Variants in SLC49A3 observed in about 807,000 individuals in gnomAD.
SLC49A3 encodes solute carrier family 49 member A3.
Under a neutral mutation model 43.8 loss-of-function variants are expected in SLC49A3, and 50 were observed. The ratio of observed to expected loss-of-function variants is 1.14; its 90% CI spans 0.91 to 1.45. The LOEUF (loss-of-function observed/expected upper bound fraction) is 1.45. Among genes scored for constraint, SLC49A3 ranks in the 40% most tolerant of loss-of-function variants. The probability of loss-of-function intolerance (pLI) is 0.00; values close to 1 mark genes in which losing one functional copy is unlikely to be tolerated. For synonymous variants in SLC49A3, 413 were observed against 352.0 expected (o/e 1.17, Z -1.94); for missense variants, 906 against 774.1 (o/e 1.17, Z -2.02).
chr4:680,447 G>A (rs1350887408), downstream of SLC49A3: 2 of 1,541,944 alleles, frequency 1.3e-6, no homozygotes, highest in Non-Finnish European at 1.8e-6. Flanking sequence ...CCTGCCATCT[G>A]CCCTTGGCAG....
rs778128833 is a variant in SLC49A3, at chr4:686,698, GGTCAGGCGGGA to G, written c.136-19_136-9del. The stretch of plus-strand genomic sequence containing the variant: ...TGCAAAGCTGAGCCACAGCTGCAGG[GGTCAGGCGGGA>G]GTCAGCGCAGGGCCACAGACCCCGG... On this transcript the variant is annotated splice_polypyrimidine_tract_variant and intron_variant, in intron 1 of 9. Transcript: ENST00000322224. 2 of 1,611,372 alleles carry G rather than the reference GGTCAGGCGGGA, an allele frequency of 1.2e-6. No individual in the cohort carries two copies. The highest frequency in any genetic ancestry group is 3.3e-5 in the Admixed American group (2 of 59,944).
At chr4:690,450 C>T (rs1271782327), upstream of SLC49A3, among the ~76,000 whole-genome samples, 5 of 152,182 alleles carry the variant, frequency 3.3e-5, no homozygotes, top group Admixed American at 6.5e-5. Flanking sequence ...ACCTCTTGCT[C>T]GCCCTGCCCT....
At chr4:683,553 G>T in intron 7 of SLC49A3, 56 bp downstream of exon 7, 1 of 1,565,170 alleles carries the variant, frequency 6.4e-7, no homozygotes, top group Non-Finnish European at 8.7e-7. Context: ...CGCCCTCTCC[G>T]GGCCTCACCA....
In SLC49A3 at chr4:684,508, A is replaced by T; in HGVS notation, c.815T>A (p.Ile272Asn). The T allele has an allele frequency of 6.2e-7, 1 of 1,613,108 alleles. No homozygotes were observed. Among genetic ancestry groups the T allele is most frequent in the Non-Finnish European group, 8.5e-7 (1 of 1,179,930 alleles). ...SASFSALLEQILCASGHSSGF... is the reference protein window; with the variant it reads ...SASFSALLEQNLCASGHSSGF... ...ACTGGAGTGGCCGCTTGCACAGAGGATCTGCTCCAGGAGGGCTGAGAAGCT... is the reference window on the plus strand; with the variant it reads ...ACTGGAGTGGCCGCTTGCACAGAGGTTCTGCTCCAGGAGGGCTGAGAAGCT... The change falls in exon 6 of 10, where the codon ATC becomes AAC. Residue 272 changes from isoleucine to asparagine, a missense_variant. Coordinates refer to ENST00000322224, the MANE Select transcript of SLC49A3 (RefSeq NM_032219.4).
chr4:681,227 G>A (rs1739458617), downstream of SLC49A3: 2 of 1,491,800 alleles, frequency 1.3e-6, no homozygotes, highest in Non-Finnish European at 1.8e-6. Context: ...CGGAGCCCGA[G>A]GAGCAGCGCC....
Position 686,201 on chromosome 4 carries a change from G to A in SLC49A3, c.396C>T (p.Gly132=), listed in dbSNP as rs1412162762. The change falls in exon 3 of 10, where the codon GGC becomes GGT. Residue 132 remains glycine, a synonymous_variant. Transcript: ENST00000322224. ...TCTGGGCAAGGGCACAGAGGCTCTG[G>A]CCACCCATGAGGAAGGCAAATGGGT... ...TQNPFAFLMG[G]QSLCALAQSL... The A allele has an allele frequency of 1.2e-6, 2 of 1,613,580 alleles. No individual in the cohort carries two copies. The highest frequency in any genetic ancestry group is 3.3e-5 in the Admixed American group (2 of 60,032).
In SLC49A3 at chr4:685,300, GAC is replaced by G. The variant is rs1292544845; in HGVS notation, c.586-446_586-445del. ...CAGGTACACACCACACATGTGCACA[GAC>G]ACACAGACACATATGCACACATCAC... On this transcript the variant is annotated intron_variant, in intron 4 of 9. Coordinates refer to ENST00000322224, the MANE Select transcript of SLC49A3 (RefSeq NM_032219.4). This position sits in a 1 kb window ranked among gnomAD's most constrained non-coding sequence, Gnocchi z 4.3. 6.6e-6 allele frequency among the ~76,000 whole-genome samples: 1 copy of G among 151,970 alleles called. No homozygotes were observed.
intron 6 of SLC49A3, 77 bp downstream of exon 6, chr4:684,406 C>T: frequency 6.3e-7 from 1 of 1,575,946 alleles, no homozygotes; most frequent in Non-Finnish European, 8.6e-7. Context: ...ACTGGGCACC[C>T]TGGAGGCGGC....
downstream of SLC49A3, chr4:679,296 G>C: frequency 2.6e-6 from 1 of 384,322 alleles, no homozygotes; most frequent in East Asian, 5.8e-5. Context: ...GCAGGCTCCA[G>C]GGAGGGGCTG....
chr4:680,970 A>C, downstream of SLC49A3: 1 of 1,133,912 alleles, frequency 8.8e-7, no homozygotes, highest in African/African-American at 1.5e-5. Flanking sequence ...GCCACACTCC[A>C]GCGGGAAGGG....
At chr4:683,799 C>T (rs1740386486) in intron 6 of SLC49A3, 38 bp from the exon 7 acceptor site, 4 of 1,535,716 alleles carry the variant, frequency 2.6e-6, no homozygotes, top group Admixed American at 2.0e-5. Context: ...CCCAAGAGGC[C>T]ACCATTATCC....
downstream of SLC49A3, chr4:680,830 T>G (rs1018127232): frequency 1.3e-5 from 8 of 630,438 alleles, no homozygotes; most frequent in Non-Finnish European, 1.9e-5. Context: ...TCCTCCATCT[T>G]CAGCTCCTGC....
chr4:676,898 T>A (rs1235537347), downstream of SLC49A3: 1 of 985,186 alleles, frequency 1.0e-6, no homozygotes, highest in East Asian at 1.1e-4. Flanking sequence ...CAGTGCTTCA[T>A]AGAGGCCGCT....
intron 1 of SLC49A3, among the ~76,000 whole-genome samples, chr4:688,244 G>A (rs563823668): frequency 9.2e-5 from 14 of 152,222 alleles, no homozygotes; most frequent in East Asian, 3.9e-4. Context: ...AGCAGATCCC[G>A]GGCCTGTCTC....
upstream of SLC49A3, among the ~76,000 whole-genome samples, chr4:691,457 G>T (rs1741883507): frequency 6.6e-6 from 1 of 151,448 alleles, no homozygotes; most frequent in African/African-American, 2.4e-5. Flanking sequence ...GCTGGGCATG[G>T]TGGTGCATGC....
downstream of SLC49A3, chr4:678,982 CGA>C (rs753609225): frequency 8.6e-5 from 138 of 1,613,670 alleles, no homozygotes; most frequent in Non-Finnish European, 1.1e-4. Context: ...GGATCAGAAC[CGA>C]GATGGCTTCA....
chr4:689,093 G>A lies in SLC49A3; in HGVS notation c.35C>T (p.Ala12Val), dbSNP rs758100527. The change falls in exon 1 of 10, where the codon GCC (alanine) becomes GTC (valine). Residue 12 changes from alanine (A) to valine (V), a missense_variant. By Grantham distance (64) the Ala-to-Val change is moderately conservative. Transcript: ENST00000322224. Reference protein sequence around the residue: ...AGPTEAETGLAEPRALCAQRG... With the variant: ...AGPTEAETGLVEPRALCAQRG... ...CTGCGCGCACAGGGCCCGGGGCTCG[G>A]CCAACCCCGTCTCGGCCTCCGTCGG... The A allele has an allele frequency of 6.6e-6, 10 of 1,505,538 alleles. No homozygotes were observed. The highest frequency in any genetic ancestry group is 1.2e-5 in the South Asian group (1 of 80,380). The allele number at this position is 1,505,538 out of a possible 1,614,324, so 93.3% of individuals were successfully genotyped here. A position where few individuals can be genotyped will look rare whatever the true frequency, so the allele number is the denominator to read the frequency against.
Position 683,254 on chromosome 4 carries a change from G to A in SLC49A3, c.1107C>T (p.Phe369=). 2 of 1,612,826 alleles carry A rather than the reference G, an allele frequency of 1.2e-6. No homozygotes were observed. Among genetic ancestry groups the A allele is most frequent in the Non-Finnish European group, 1.7e-6 (2 of 1,179,922 alleles). Residue 369 remains phenylalanine, a synonymous_variant, in exon 8 of 10, where the codon TTC becomes TTT. Transcript: ENST00000322224. The stretch of plus-strand genomic sequence containing the variant: ...CTGTGGCAGCCCCCTCCCCCACGGG[G>A]AAGGAACACTCGACCGCCAACTCCA... ...VAMELAVECS[F]PVGEGAATGM... is the part of the protein sequence containing the mutation.
chr4:681,117 G>T, downstream of SLC49A3: 1 of 1,607,214 alleles, frequency 6.2e-7, no homozygotes, highest in Non-Finnish European at 8.5e-7. Context: ...GATGTCCCAG[G>T]CTGACAAGAT....
Sources: gnomAD v4.1 joint callset for allele counts (sites outside exome capture counted in the v4.1 genomes callset) on GRCh38, gnomAD v4.1.1 for gene constraint, Gnocchi (gnomAD v3.1) non-coding constraint, MANE v1.5 for transcripts, NCBI Gene and HGNC (gene_info 2026-07-23, HGNC 2026-07-21) for gene names.